The following GRID2 variants were observed in gnomAD, a reference collection of about 807,000 sequenced individuals.
GRID2 encodes the protein glutamate receptor ionotropic, delta-2.
Under a neutral mutation model 114.8 loss-of-function variants are expected in GRID2, and 33 were observed. That is an observed-to-expected ratio of 0.29 (90% CI 0.22 to 0.38). GRID2 has a LOEUF of 0.38. Among genes scored for constraint, GRID2 ranks in the 10% least tolerant of loss-of-function variants. The pLI is 1.00. For synonymous variants in GRID2, 505 were observed against 449.9 expected (o/e 1.12, Z -1.55); for missense variants, 1,184 against 1,257.7 (o/e 0.94, Z 0.89).
intron 2 of GRID2, among the ~76,000 whole-genome samples, chr4:92,784,283 T>C (rs1165232723): frequency 6.6e-6 from 1 of 152,012 alleles, no homozygotes; most frequent in Non-Finnish European, 1.5e-5. Context: ...AAACATTTTT[T>C]AATGCATGTC....
intron 5 of GRID2, among the ~76,000 whole-genome samples, chr4:93,215,681 A>G (rs1744127971): frequency 6.6e-6 from 1 of 152,106 alleles, no homozygotes; most frequent in Admixed American, 6.6e-5. Flanking sequence ...TAAAGATCAT[A>G]TATAAAGGAC....
chr4:93,301,201 T>C (rs1010630653), intron 8 of GRID2, among the ~76,000 whole-genome samples: 1 of 152,226 alleles, frequency 6.6e-6, no homozygotes, highest in African/African-American at 2.4e-5. Flanking sequence ...ACAAACGTTA[T>C]CATTTTAAGA....
chr4:92,853,077 A>G (rs1743937008), intron 2 of GRID2, among the ~76,000 whole-genome samples: 1 of 152,028 alleles, frequency 6.6e-6, no homozygotes, highest in South Asian at 2.1e-4. Flanking sequence ...CATATAGCAC[A>G]GACTTTGGAA....
chr4:92,484,681 G>C (rs1722780610), intron 1 of GRID2, among the ~76,000 whole-genome samples: 1 of 152,018 alleles, frequency 6.6e-6, no homozygotes, highest in East Asian at 1.9e-4. Context: ...GAGAGATTAA[G>C]ATTCAGACTA....
intron 4 of GRID2, among the ~76,000 whole-genome samples, chr4:93,112,853 G>A (rs908329289): frequency 1.1e-4 from 17 of 151,996 alleles, no homozygotes; most frequent in African/African-American, 2.7e-4. Context: ...TCTTCTCTTC[G>A]TGTTTGTTTG....
intron 1 of GRID2, among the ~76,000 whole-genome samples, chr4:92,506,153 C>T (rs1339915430): frequency 6.6e-6 from 1 of 151,890 alleles, no homozygotes; most frequent in Non-Finnish European, 1.5e-5. Flanking sequence ...TCTAGAAGTA[C>T]ATGTGGCCAA....
intron 13 of GRID2, among the ~76,000 whole-genome samples, chr4:93,526,531 C>T (rs1215809231): frequency 3.9e-5 from 6 of 152,154 alleles, no homozygotes; most frequent in Non-Finnish European, 8.8e-5. Context: ...TTAAACAGGC[C>T]GGGCGCTGTG....
chr4:93,124,411 A>T (rs975722543), intron 4 of GRID2, among the ~76,000 whole-genome samples: 4 of 152,204 alleles, frequency 2.6e-5, no homozygotes, highest in African/African-American at 9.6e-5. Context: ...TTATATGCTG[A>T]TTTCTATTTA....
At chr4:92,592,441 G>C (rs987648583) in intron 2 of GRID2, among the ~76,000 whole-genome samples, 5 of 152,000 alleles carry the variant, frequency 3.3e-5, no homozygotes, top group Non-Finnish European at 7.4e-5. Context: ...ACTATAATTT[G>C]AAAAGTAATG....
In GRID2 at chr4:93,291,007, A is replaced by G. The variant is rs936745020; in HGVS notation, c.1245+52517A>G. Among the ~76,000 whole-genome samples the G allele has an allele frequency of 2.7e-5, 4 of 149,022 alleles. No homozygotes were observed. In the East Asian group the frequency reaches 8.0e-4, roughly 30 times the overall value. On this transcript the variant is annotated intron_variant, in intron 8 of 15. Coordinates refer to ENST00000282020, the MANE Select transcript of GRID2 (RefSeq NM_001510.4). ...ATTCTCCTGCCTCAGCCTCCTGAGT[A>G]GCTGGGACTACAGGCGCCCACCACC...
chr4:93,037,038 G>C (rs564343962), intron 2 of GRID2, among the ~76,000 whole-genome samples: 1 of 152,080 alleles, frequency 6.6e-6, no homozygotes, highest in Non-Finnish European at 1.5e-5. Context: ...GAAGTCTGTA[G>C]TATTTCTTAA....
chr4:92,359,784 T>A (rs1005132406), intron 1 of GRID2, among the ~76,000 whole-genome samples: 1 of 151,954 alleles, frequency 6.6e-6, no homozygotes, highest in African/African-American at 2.4e-5. Flanking sequence ...AGTTGCCAAC[T>A]CAATGAAAGG....
At chr4:92,831,940 A>G (rs1454021157) in intron 2 of GRID2, among the ~76,000 whole-genome samples, 2 of 152,114 alleles carry the variant, frequency 1.3e-5, no homozygotes, top group African/African-American at 2.4e-5. Context: ...ACTGCTACCT[A>G]CATCTTAACA....
intron 2 of GRID2, among the ~76,000 whole-genome samples, chr4:92,688,313 G>A (rs1306350527): frequency 1.3e-5 from 2 of 151,664 alleles, no homozygotes; most frequent in East Asian, 1.9e-4. Flanking sequence ...ACCTCCCAAA[G>A]TGCTGGGATT....
At chr4:92,536,176 T>C (rs768285617) in intron 1 of GRID2, among the ~76,000 whole-genome samples, 9 of 152,188 alleles carry the variant, frequency 5.9e-5, no homozygotes, top group Non-Finnish European at 8.8e-5. Flanking sequence ...TGCTGATTGG[T>C]CCATTTTACA....
intron 3 of GRID2, among the ~76,000 whole-genome samples, chr4:93,089,643 A>G (rs573819454): frequency 4.0e-4 from 61 of 152,196 alleles, no homozygotes; most frequent in African/African-American, 1.1e-3. Flanking sequence ...TGAGAGTGCA[A>G]TATTCCTGGC....
intron 13 of GRID2, among the ~76,000 whole-genome samples, chr4:93,592,078 T>C: frequency 6.6e-6 from 1 of 152,214 alleles, no homozygotes; most frequent in Non-Finnish European, 1.5e-5. Context: ...CTGATTTTAG[T>C]TATTTCTTGC....
intron 14 of GRID2, among the ~76,000 whole-genome samples, chr4:93,749,452 T>A (rs769271305): frequency 6.6e-6 from 1 of 152,200 alleles, no homozygotes; most frequent in Non-Finnish European, 1.5e-5. Flanking sequence ...CTTCTGTGCT[T>A]CATAGAGCTG....
At chr4:92,320,382 A>G (rs1273793014) in intron 1 of GRID2, among the ~76,000 whole-genome samples, 1 of 152,136 alleles carries the variant, frequency 6.6e-6, no homozygotes, top group Non-Finnish European at 1.5e-5. Context: ...ATGTTCAGAA[A>G]ATACTAATTC....
Sources: gnomAD v4.1 joint callset for allele counts (sites outside exome capture counted in the v4.1 genomes callset) on GRCh38, gnomAD v4.1.1 for gene constraint, MANE v1.5 for transcripts, NCBI Gene and HGNC (gene_info 2026-07-23, HGNC 2026-07-21) for gene names.